The following RCAN2 variants were observed in gnomAD, a reference collection of about 807,000 sequenced individuals.
RCAN2 encodes the protein calcipressin-2.
Under a neutral mutation model 23.6 loss-of-function variants are expected in RCAN2, and 9 were observed. The observed-to-expected ratio is 0.38, with a 90% CI of 0.23 to 0.67. RCAN2 has a LOEUF of 0.67. Among genes scored for constraint, RCAN2 ranks in the 30% least tolerant of loss-of-function variants. RCAN2 has a pLI of 0.51. For synonymous variants in RCAN2, 109 were observed against 115.7 expected (o/e 0.94, Z 0.37); for missense variants, 273 against 302.3 (o/e 0.90, Z 0.72).
At position 46,441,719 on chromosome 6, in the gene RCAN2, T is replaced by G. The variant is rs189829939; in HGVS notation, c.225+15033A>C. Among the ~76,000 whole-genome samples the G allele has an allele frequency of 7.2e-5, 11 of 152,282 alleles. No individual in the cohort carries two copies. In the East Asian group the frequency reaches 2.1e-3, roughly 29 times the overall value. On this transcript the variant is annotated intron_variant, in intron 2 of 4. Coordinates refer to ENST00000371374, the MANE Select transcript of RCAN2 (RefSeq NM_001251974.2). Reference sequence around the variant, plus strand: ...AGGCTATATGATAGAACATTCCCAGTAAAATAGAATATTAACAGAAACTGA... The same window carrying G: ...AGGCTATATGATAGAACATTCCCAGGAAAATAGAATATTAACAGAAACTGA...
At chr6:46,231,701 C>T (rs1358671823) in intron 4 of RCAN2, among the ~76,000 whole-genome samples, 18 of 152,152 alleles carry the variant, frequency 1.2e-4, no homozygotes, top group African/African-American at 2.9e-4. Flanking sequence ...TGAGCCACCA[C>T]GCCCGGAGGT....
chr6:46,405,249 T>C (rs895315604), intron 2 of RCAN2, among the ~76,000 whole-genome samples: 3 of 152,168 alleles, frequency 2.0e-5, no homozygotes, highest in Non-Finnish European at 2.9e-5. Flanking sequence ...CCGTGAGTGT[T>C]ACAGCTCATA....
intron 2 of RCAN2, among the ~76,000 whole-genome samples, chr6:46,268,367 A>G (rs1767411182): frequency 6.6e-6 from 1 of 152,196 alleles, no homozygotes; most frequent in Admixed American, 6.5e-5. Context: ...TCTTTAATAA[A>G]GTCATTCATC....
intron 4 of RCAN2, among the ~76,000 whole-genome samples, chr6:46,227,889 C>A (rs2150305003): frequency 6.6e-6 from 1 of 152,274 alleles, no homozygotes; most frequent in South Asian, 2.1e-4. Context: ...TTAGATCTTT[C>A]CTGCTTTCTC....
chr6:46,367,798 A>G (rs1288810665), intron 2 of RCAN2, among the ~76,000 whole-genome samples: 2 of 152,180 alleles, frequency 1.3e-5, no homozygotes. Context: ...TTTAAACGCT[A>G]TGTTTAATTT....
chr6:46,394,740 C>T (rs1400680899), intron 2 of RCAN2, among the ~76,000 whole-genome samples: 17 of 152,128 alleles, frequency 1.1e-4, no homozygotes, highest in Admixed American at 1.1e-3. Flanking sequence ...AACAGGATTC[C>T]TCTCATTGCA....
chr6:46,415,338 A>C (rs1257196577), intron 2 of RCAN2, among the ~76,000 whole-genome samples: 1 of 152,178 alleles, frequency 6.6e-6, no homozygotes, highest in Non-Finnish European at 1.5e-5. Flanking sequence ...CATGTCTCTA[A>C]AACTTCTACA....
At chr6:46,365,143 A>C (rs1341847140) in intron 2 of RCAN2, among the ~76,000 whole-genome samples, 3 of 152,138 alleles carry the variant, frequency 2.0e-5, no homozygotes, top group Non-Finnish European at 4.4e-5. Context: ...AATGCACTTG[A>C]ATTATCCCAA....
intron 2 of RCAN2, among the ~76,000 whole-genome samples, chr6:46,444,256 T>C (rs142135567): frequency 1.3e-5 from 2 of 152,220 alleles, no homozygotes; most frequent in South Asian, 2.1e-4. Context: ...GGCTCTCCTA[T>C]AGACCCAGAG....
chr6:46,317,707 T>C (rs777851910), intron 2 of RCAN2, among the ~76,000 whole-genome samples: 24 of 152,122 alleles, frequency 1.6e-4, no homozygotes, highest in Non-Finnish European at 2.9e-4. Flanking sequence ...CCTTCTGATC[T>C]GCCCGCCTCG....
chr6:46,370,645 T>G (rs1349585279), intron 2 of RCAN2, among the ~76,000 whole-genome samples: 1 of 152,260 alleles, frequency 6.6e-6, no homozygotes, highest in African/African-American at 2.4e-5. Context: ...ACCTTTCCAC[T>G]GTTGCCAGTC....
intron 3 of RCAN2, among the ~76,000 whole-genome samples, chr6:46,247,300 C>T (rs939153109): frequency 1.3e-5 from 2 of 152,170 alleles, no homozygotes; most frequent in Non-Finnish European, 2.9e-5. Context: ...GTTTCCTTCT[C>T]TCCTTCTCTC....
chr6:46,268,517 T>C (rs1355591814), intron 2 of RCAN2, among the ~76,000 whole-genome samples: 2 of 152,194 alleles, frequency 1.3e-5, no homozygotes, highest in Admixed American at 1.3e-4. Context: ...TCCTCTTTCT[T>C]GGAGTAACAT....
At chr6:46,332,841 A>G (rs540278898) in intron 2 of RCAN2, among the ~76,000 whole-genome samples, 3 of 152,202 alleles carry the variant, frequency 2.0e-5, no homozygotes, top group South Asian at 2.1e-4. Context: ...GGATGGCTGG[A>G]TCAAATGGTA....
At chr6:46,345,083 C>A (rs1193808481) in intron 2 of RCAN2, among the ~76,000 whole-genome samples, 1 of 151,562 alleles carries the variant, frequency 6.6e-6, no homozygotes, top group African/African-American at 2.4e-5. Context: ...AAAATATAAA[C>A]CTTACAAATA....
chr6:46,267,310 A>G (rs753771876), intron 2 of RCAN2, among the ~76,000 whole-genome samples: 11 of 152,242 alleles, frequency 7.2e-5, no homozygotes, highest in Non-Finnish European at 1.3e-4. Context: ...TGACCCATAC[A>G]TTAAAGATAA....
chr6:46,373,472 G>C (rs1765375311), intron 2 of RCAN2, among the ~76,000 whole-genome samples: 1 of 152,084 alleles, frequency 6.6e-6, no homozygotes, highest in South Asian at 2.1e-4. Flanking sequence ...GGCCAGGCTG[G>C]TCTCAAACTC....
rs537211697 is a variant in RCAN2, at chr6:46,399,764, C to G, written c.225+56988G>C. On this transcript the variant is annotated intron_variant, in intron 2 of 4. Coordinates refer to ENST00000371374, the MANE Select transcript of RCAN2 (RefSeq NM_001251974.2). ...GTTTCCCACTTCTCTTTCACCTTGT[C>G]TCAGGACACTACACTTGTCATTGGA... is the stretch of plus-strand genomic sequence containing the variant. 3.3e-5 allele frequency among the ~76,000 whole-genome samples: 5 copies of G among 152,162 alleles called. No individual in the cohort carries two copies. In the South Asian group the frequency reaches 1.0e-3, roughly 32 times the overall value.
intron 2 of RCAN2, among the ~76,000 whole-genome samples, chr6:46,406,212 C>T (rs1275342887): frequency 6.6e-6 from 1 of 152,240 alleles, no homozygotes. Flanking sequence ...AAGGGGCTCT[C>T]ACAGTGCAGC....
Sources: allele counts gnomAD v4.1 joint callset (sites outside exome capture counted in the v4.1 genomes callset), GRCh38; gene constraint gnomAD v4.1.1; transcripts MANE v1.5; gene names NCBI Gene and HGNC (gene_info 2026-07-23, HGNC 2026-07-21).